The following THSD7B variants were observed in gnomAD, a reference collection of about 807,000 sequenced individuals.
THSD7B encodes the protein thrombospondin type-1 domain-containing protein 7B.
Under a neutral mutation model 213.6 loss-of-function variants are expected in THSD7B, and 138 were observed. That is an observed-to-expected ratio of 0.65 (90% CI 0.56 to 0.74). THSD7B has a LOEUF of 0.74. THSD7B is among the 30% of genes least tolerant of loss of function. THSD7B has a pLI of 0.00. For synonymous variants in THSD7B, 742 were observed against 687.0 expected (o/e 1.08, Z -1.25); for missense variants, 1,931 against 1,991.5 (o/e 0.97, Z 0.58).
intron 15 of THSD7B, among the ~76,000 whole-genome samples, chr2:137,511,671 G>C (rs1573675598): frequency 6.6e-6 from 1 of 152,090 alleles, no homozygotes; most frequent in Non-Finnish European, 1.5e-5. Flanking sequence ...ATGCAGTAAG[G>C]CTTCCATCCT....
At chr2:137,310,877 T>A (rs368305418) in intron 12 of THSD7B, among the ~76,000 whole-genome samples, 3 of 152,158 alleles carry the variant, frequency 2.0e-5, no homozygotes, top group East Asian at 1.9e-4. Flanking sequence ...TCTGTTTTGG[T>A]ACCAGTACCA....
At chr2:137,134,435 G>A (rs1348458372) in intron 5 of THSD7B, among the ~76,000 whole-genome samples, 2 of 152,126 alleles carry the variant, frequency 1.3e-5, no homozygotes, top group African/African-American at 4.8e-5. Context: ...GGACGAAAGG[G>A]GTACTCTGTG....
intron 3 of THSD7B, among the ~76,000 whole-genome samples, chr2:137,081,179 G>T (rs1025290672): frequency 6.6e-6 from 1 of 151,996 alleles, no homozygotes; most frequent in African/African-American, 2.4e-5. Flanking sequence ...TCCCAGGGTC[G>T]ATTGATCTGG....
chr2:136,848,962 T>C (rs1683053096), intron 1 of THSD7B, among the ~76,000 whole-genome samples: 1 of 152,172 alleles, frequency 6.6e-6, no homozygotes, highest in Non-Finnish European at 1.5e-5. Context: ...CCTAGCACTT[T>C]ATGGCATCTC....
At chr2:137,487,964 C>T (rs1198763897) in intron 15 of THSD7B, among the ~76,000 whole-genome samples, 1 of 20,998 alleles carries the variant, frequency 4.8e-5, no homozygotes, top group Admixed American at 4.8e-4. Flanking sequence ...GGGGTTTCAC[C>T]GTTTTAGCCG....
chr2:137,095,347 C>A (rs145402571), intron 4 of THSD7B, among the ~76,000 whole-genome samples: 1 of 152,144 alleles, frequency 6.6e-6, no homozygotes, highest in Non-Finnish European at 1.5e-5. Context: ...CAAATTTCTT[C>A]AAGTACTTAA....
intron 12 of THSD7B, among the ~76,000 whole-genome samples, chr2:137,367,072 G>C (rs950678367): frequency 1.3e-5 from 2 of 151,792 alleles, no homozygotes; most frequent in African/African-American, 4.8e-5. Flanking sequence ...AAAAATGAAT[G>C]GTTGCTTTTT....
chr2:136,956,037 GAA>G (rs397985964), intron 2 of THSD7B, among the ~76,000 whole-genome samples: 6 of 126,664 alleles, frequency 4.7e-5, no homozygotes, highest in African/African-American at 6.2e-5. Context: ...AAAAAAAAAA[GAA>G]AAAAAAAAAA....
chr2:137,325,698 A>C (rs1373923670), intron 12 of THSD7B, among the ~76,000 whole-genome samples: 1 of 152,228 alleles, frequency 6.6e-6, no homozygotes, highest in Non-Finnish European at 1.5e-5. Context: ...TATGTTTATT[A>C]TATTTGAAGA....
chr2:136,909,056 C>T (rs1409222029), intron 2 of THSD7B, among the ~76,000 whole-genome samples: 1 of 151,976 alleles, frequency 6.6e-6, no homozygotes, highest in African/African-American at 2.4e-5. Context: ...GATGGCATGT[C>T]CCTGTAGTCC....
intron 7 of THSD7B, among the ~76,000 whole-genome samples, chr2:137,177,400 T>TA (rs1346334716): frequency 6.6e-6 from 1 of 152,222 alleles, no homozygotes; most frequent in Non-Finnish European, 1.5e-5. Context: ...AACAGACCTC[T>TA]ACTGGGTGTT....
chr2:136,969,981 C>T (rs34277857), intron 2 of THSD7B, among the ~76,000 whole-genome samples: 27,899 of 151,950 alleles, frequency 0.18, 2,713 homozygotes, highest in African/African-American at 0.23. Flanking sequence ...CTGAAGGAAG[C>T]GCAGGCAATG....
chr2:137,080,706 C>T (rs960483147), intron 3 of THSD7B, among the ~76,000 whole-genome samples: 1 of 151,748 alleles, frequency 6.6e-6, no homozygotes, highest in Non-Finnish European at 1.5e-5. Context: ...CTCTCTTCTT[C>T]TTCTTCTTCC....
chr2:137,155,413 A>G (rs1679893549), intron 5 of THSD7B, among the ~76,000 whole-genome samples: 1 of 152,196 alleles, frequency 6.6e-6, no homozygotes, highest in South Asian at 2.1e-4. Context: ...AGAGCTAATT[A>G]ATAGAAATAA....
intron 2 of THSD7B, among the ~76,000 whole-genome samples, chr2:137,031,754 A>C (rs1430919296): frequency 6.6e-6 from 1 of 152,208 alleles, no homozygotes; most frequent in Non-Finnish European, 1.5e-5. Flanking sequence ...TTAACAAATA[A>C]ATTTACCCAT....
chr2:136,974,599 T>C (rs908748425), intron 2 of THSD7B, among the ~76,000 whole-genome samples: 1 of 152,176 alleles, frequency 6.6e-6, no homozygotes, highest in Non-Finnish European at 1.5e-5. Context: ...CAGACTATCA[T>C]TCGTGGGCAT....
chr2:137,452,293 T>C (rs920960537), intron 15 of THSD7B, among the ~76,000 whole-genome samples: 2 of 151,892 alleles, frequency 1.3e-5, no homozygotes, highest in African/African-American at 4.8e-5. Context: ...ATAAAATCAA[T>C]GTAAAAGTTG....
At chr2:136,925,028 A>G (rs1045330687) in intron 2 of THSD7B, among the ~76,000 whole-genome samples, 2 of 152,160 alleles carry the variant, frequency 1.3e-5, no homozygotes, top group South Asian at 4.1e-4. Flanking sequence ...GTATCCTGCA[A>G]CTTTGTTAAA....
At chr2:137,506,195 G>A (rs1351231367) in intron 15 of THSD7B, among the ~76,000 whole-genome samples, 1 of 152,164 alleles carries the variant, frequency 6.6e-6, no homozygotes, top group Non-Finnish European at 1.5e-5. Context: ...CAAGGCAGAA[G>A]TTACAGCTTC....
Sources: allele counts gnomAD v4.1 joint callset (sites outside exome capture counted in the v4.1 genomes callset), GRCh38; gene constraint gnomAD v4.1.1; transcripts MANE v1.5; gene names NCBI Gene and HGNC (gene_info 2026-07-23, HGNC 2026-07-21).